The following ANKRD7 variants were observed in gnomAD, a reference collection of about 807,000 sequenced individuals.
ANKRD7 encodes ankyrin repeat domain 7, also known as ankyrin repeat domain-containing protein 7.
ANKRD7 carries 30 observed loss-of-function variants against 30.8 expected under a neutral mutation model. The observed-to-expected ratio is 0.97, with a 90% CI of 0.73 to 1.32. The LOEUF is 1.32. ANKRD7 is among the 40% of genes most tolerant of loss of function. The probability of loss-of-function intolerance (pLI) is 0.00; values close to 1 mark genes in which losing one functional copy is unlikely to be tolerated. For missense variants in ANKRD7, 264 were observed against 295.7 expected, an observed-to-expected ratio of 0.89 and a Z score of 0.79; for synonymous variants, 97 against 106.6, an observed-to-expected ratio of 0.91 and a Z score of 0.55.
chr7:118,235,979 TAAATC>T (rs1809720751), intron 3 of ANKRD7, 57 bp from the exon 4 acceptor site: 25 of 877,590 alleles, frequency 2.8e-5, no homozygotes, highest in South Asian at 7.0e-5. Context: ...AAGTTGAACT[TAAATC>T]TAAAGAGCAT....
chr7:118,224,787 A>C lies in ANKRD7; in HGVS notation c.-44A>C. 1 of 1,579,050 alleles carries C rather than the reference A, an allele frequency of 6.3e-7. No homozygotes were observed. The highest frequency in any genetic ancestry group is 8.6e-7 in the Non-Finnish European group (1 of 1,165,814). On this transcript the variant is annotated 5_prime_UTR_variant, in exon 1 of 7. Transcript: ENST00000265224. ...GGGCAGGGCGGACGGCTAGGAGTTC[A>C]AGAAACATCCTGGTCTGAGGGAAAG...
intron 6 of ANKRD7, among the ~76,000 whole-genome samples, chr7:118,241,200 T>C (rs1459859781): frequency 6.6e-6 from 1 of 150,586 alleles, no homozygotes; most frequent in African/African-American, 2.4e-5. Flanking sequence ...TATATAGTTA[T>C]TTAGGTCTGT....
At chr7:118,225,109 C>G in intron 1 of ANKRD7, 100 bp downstream of exon 1, 1 of 1,333,226 alleles carries the variant, frequency 7.5e-7, no homozygotes, top group Non-Finnish European at 1.0e-6. Context: ...GATTGTCACT[C>G]CGGGTTTCCC....
chr7:118,239,636 C>A (rs755214130), intron 5 of ANKRD7, among the ~76,000 whole-genome samples: 9 of 151,994 alleles, frequency 5.9e-5, no homozygotes, highest in Non-Finnish European at 1.0e-4. Context: ...ATGAATACAC[C>A]AACTATAAAT....
intron 5 of ANKRD7, among the ~76,000 whole-genome samples, chr7:118,238,465 G>T (rs191475788): frequency 6.6e-6 from 1 of 152,182 alleles, no homozygotes; most frequent in Admixed American, 6.5e-5. Flanking sequence ...TCTTTGCAGT[G>T]GGAACTAAGC....
intron 5 of ANKRD7, among the ~76,000 whole-genome samples, chr7:118,237,416 T>G (rs1024316217): frequency 3.9e-5 from 6 of 152,162 alleles, no homozygotes; most frequent in African/African-American, 1.4e-4. Context: ...AGTTCTGATT[T>G]TTAATAGTTA....
At chr7:118,225,717 T>A (rs1260064226) in intron 1 of ANKRD7, among the ~76,000 whole-genome samples, 1 of 152,132 alleles carries the variant, frequency 6.6e-6, no homozygotes, top group East Asian at 1.9e-4. Context: ...TTTTAACACT[T>A]GGAAACATCA....
rs1809739540 is a variant in ANKRD7, at chr7:118,236,876, G to T, written c.662G>T (p.Gly221Val). ...LQQGVELCYE[G>V]IVDSQLRNMF... is the part of the protein sequence containing the mutation. Reference sequence around the variant, plus strand: ...CAAGGTGTGGAATTATGTTACGAAGGTATTGTGGATTCACAGCTGAGGAAT... The same window carrying T: ...CAAGGTGTGGAATTATGTTACGAAGTTATTGTGGATTCACAGCTGAGGAAT... The change falls in exon 5 of 7, where the codon GGT becomes GTT. Residue 221 changes from glycine to valine, a missense_variant. Coordinates refer to ENST00000265224, the MANE Select transcript of ANKRD7 (RefSeq NM_019644.4). 6.2e-7 allele frequency: 1 copy of T among 1,613,982 alleles called. No individual in the cohort carries two copies. The highest frequency in any genetic ancestry group is 2.2e-5 in the East Asian group (1 of 44,864).
chr7:118,228,437 A>G (rs756680413), intron 1 of ANKRD7, among the ~76,000 whole-genome samples: 71 of 152,030 alleles, frequency 4.7e-4, no homozygotes, highest in Non-Finnish European at 8.8e-4. Flanking sequence ...GAAAACCCTG[A>G]TTCATACAGT....
At chr7:118,234,300 T>A in intron 1 of ANKRD7, 131 bp from the exon 2 acceptor site, 2 of 465,260 alleles carry the variant, frequency 4.3e-6, no homozygotes, top group Non-Finnish European at 7.6e-6. Context: ...TAATGTACAT[T>A]TGTTTAAATA....
In ANKRD7 at chr7:118,242,722, A is replaced by G. The variant is rs1210126573; in HGVS notation, c.*411A>G. The G allele has an allele frequency of 1.3e-5, 2 of 152,200 alleles. No homozygotes were observed. The highest frequency in any genetic ancestry group is 2.9e-5 in the Non-Finnish European group (2 of 68,026). The allele number at this position is 152,200 out of a possible 1,614,324, so 9.4% of individuals were successfully genotyped here. ...AGGAAAACATTATAAATAATCCTGT[A>G]TAAATCAAAATTATGTTTTATTTAC... On this transcript the variant is annotated 3_prime_UTR_variant, in exon 7 of 7. Coordinates refer to ENST00000265224, the MANE Select transcript of ANKRD7 (RefSeq NM_019644.4).
intron 5 of ANKRD7, among the ~76,000 whole-genome samples, chr7:118,237,239 C>G (rs1809746004): frequency 6.6e-6 from 1 of 152,174 alleles, no homozygotes; most frequent in South Asian, 2.1e-4. Flanking sequence ...TTCATTCACA[C>G]AAAGCCTTTC....
At chr7:118,230,096 A>T in intron 1 of ANKRD7, among the ~76,000 whole-genome samples, 1 of 152,124 alleles carries the variant, frequency 6.6e-6, no homozygotes, top group Non-Finnish European at 1.5e-5. Flanking sequence ...AAAAGTTGAA[A>T]GCATTCCTCC....
intron 1 of ANKRD7, among the ~76,000 whole-genome samples, chr7:118,232,503 A>G: frequency 6.6e-6 from 1 of 152,068 alleles, no homozygotes; most frequent in East Asian, 1.9e-4. Flanking sequence ...CTCCTTTGAA[A>G]GTGGAATCTT....
At chr7:118,238,698 T>G (rs1285056996) in intron 5 of ANKRD7, among the ~76,000 whole-genome samples, 1 of 152,254 alleles carries the variant, frequency 6.6e-6, no homozygotes, top group Non-Finnish European at 1.5e-5. Flanking sequence ...CCATAACCCA[T>G]GCATTTCTTC....
At position 118,227,906 on chromosome 7, in the gene ANKRD7, C is replaced by CTTTTT. The variant is rs67297938; in HGVS notation, c.179+2907_179+2911dup. 7.9e-5 allele frequency: 98 copies of CTTTTT among 1,243,132 alleles called. No individual in the cohort carries two copies. The African/African-American group carries it at 1.4e-3, about 17-fold the overall frequency. The allele number at this position is 1,243,132 out of a possible 1,614,324, so 77.0% of individuals were successfully genotyped here. A position where few individuals can be genotyped will look rare whatever the true frequency, so the allele number is the denominator to read the frequency against. On this transcript the variant is annotated intron_variant, in intron 1 of 6. Transcript: ENST00000265224. ...ATTTAGCTTATTGATAGTATTATGT[C>CTTTTT]TTTTTTTTTTTTTTAACAAAAACAG...
intron 6 of ANKRD7, among the ~76,000 whole-genome samples, chr7:118,240,965 T>TAA (rs1809824987): frequency 6.7e-6 from 1 of 150,092 alleles, no homozygotes; most frequent in African/African-American, 2.4e-5. Context: ...CCATCCTGGC[T>TAA]AACAAGGTGA....
At chr7:118,240,154 TA>T (rs1256969957) in intron 6 of ANKRD7, among the ~76,000 whole-genome samples, 156 bp downstream of exon 6, 1 of 150,882 alleles carries the variant, frequency 6.6e-6, no homozygotes, top group Non-Finnish European at 1.5e-5. Flanking sequence ...TATTCTTTTT[TA>T]TTTATTTATT....
At position 118,240,011 on chromosome 7, in the gene ANKRD7, A is replaced by G. The variant is rs1340354485; in HGVS notation, c.*37+13A>G. On this transcript the variant is annotated intron_variant, in intron 6 of 6. Transcript: ENST00000265224. ...TGACTAAAGGAAGGTAAGATTGCTA[A>G]CTGGATTAGTGTTTTTTTCTTGTTG... 7.0e-7 allele frequency: 1 copy of G among 1,425,358 alleles called. No homozygotes were observed. The highest frequency in any genetic ancestry group is 2.5e-5 in the East Asian group (1 of 39,996). The allele number at this position is 1,425,358 out of a possible 1,614,324, so 88.3% of individuals were successfully genotyped here.
Sources: gnomAD v4.1 joint callset for allele counts (sites outside exome capture counted in the v4.1 genomes callset) on GRCh38, gnomAD v4.1.1 for gene constraint, MANE v1.5 for transcripts, NCBI Gene and HGNC (gene_info 2026-07-23, HGNC 2026-07-21) for gene names.